AFF1: variants seen among roughly 807,000 people sequenced by gnomAD.
AFF1 encodes ALF transcription elongation factor 1.
AFF1 carries 48 observed loss-of-function variants against 121.7 expected under a neutral mutation model. The ratio of observed to expected loss-of-function variants is 0.39; its 90% CI spans 0.31 to 0.50. The LOEUF (loss-of-function observed/expected upper bound fraction) is 0.50. Among genes scored for constraint, AFF1 ranks in the 20% least tolerant of loss-of-function variants. The probability of loss-of-function intolerance (pLI) is 0.76; values close to 1 mark genes in which losing one functional copy is unlikely to be tolerated. For synonymous variants in AFF1, 613 were observed against 563.0 expected (o/e 1.09, Z -1.26); for missense variants, 1,523 against 1,511.7 (o/e 1.01, Z -0.12).
chr4:87,082,975 G>A (rs1273616465), intron 4 of AFF1, among the ~76,000 whole-genome samples: 1 of 152,216 alleles, frequency 6.6e-6, no homozygotes, highest in Non-Finnish European at 1.5e-5. Context: ...AAAAAGAGCA[G>A]AGTTTTATGC....
intron 2 of AFF1, among the ~76,000 whole-genome samples, chr4:86,993,325 C>T (rs1724874867): frequency 6.6e-6 from 1 of 152,192 alleles, no homozygotes; most frequent in Non-Finnish European, 1.5e-5. Context: ...CTGCAATTTA[C>T]TGATCATTGT....
intron 2 of AFF1, among the ~76,000 whole-genome samples, chr4:87,009,076 C>T (rs541398803): frequency 2.0e-5 from 3 of 152,276 alleles, no homozygotes; most frequent in East Asian, 3.9e-4. Flanking sequence ...TCAATGCCAG[C>T]GCTCTTAAAC....
At chr4:86,994,626 C>T (rs1312651721) in intron 2 of AFF1, among the ~76,000 whole-genome samples, 1 of 152,176 alleles carries the variant, frequency 6.6e-6, no homozygotes, top group African/African-American at 2.4e-5. Flanking sequence ...TCCCCTTGAT[C>T]CATCCAGCAT....
intron 2 of AFF1, among the ~76,000 whole-genome samples, chr4:87,013,096 T>C (rs1480595060): frequency 1.5e-5 from 2 of 136,324 alleles, no homozygotes; most frequent in Non-Finnish European, 3.0e-5. Flanking sequence ...CAGGCTGGAG[T>C]GCAATGGTGC....
At chr4:87,058,523 C>A (rs1720391406) in intron 4 of AFF1, among the ~76,000 whole-genome samples, 1 of 151,958 alleles carries the variant, frequency 6.6e-6, no homozygotes, top group African/African-American at 2.4e-5. Flanking sequence ...GCCACCCCCG[C>A]CCCCAAATCA....
At chr4:86,949,888 G>A in intron 2 of AFF1, 1 of 1,614,126 alleles carries the variant, frequency 6.2e-7, no homozygotes, top group South Asian at 1.1e-5. Flanking sequence ...GCCACGTGAA[G>A]GGGTTCTTGG....
intron 2 of AFF1, chr4:86,950,039 G>A (rs1357513127): frequency 2.2e-5 from 35 of 1,614,028 alleles, no homozygotes; most frequent in Non-Finnish European, 2.9e-5. Context: ...GGTAGGGGGA[G>A]TGTAGAGAGG....
At chr4:86,951,267 C>T (rs1222845632) in intron 2 of AFF1, among the ~76,000 whole-genome samples, 1 of 151,964 alleles carries the variant, frequency 6.6e-6, no homozygotes, top group Non-Finnish European at 1.5e-5. Flanking sequence ...AGGTGTGCCA[C>T]GATGTTGATT....
intron 2 of AFF1, among the ~76,000 whole-genome samples, chr4:86,994,477 G>T (rs1305991683): frequency 6.6e-6 from 1 of 152,238 alleles, no homozygotes; most frequent in Non-Finnish European, 1.5e-5. Flanking sequence ...TCTGGGGGCA[G>T]ATCTCACCTG....
At chr4:87,029,492 A>G (rs558971106) in intron 2 of AFF1, among the ~76,000 whole-genome samples, 1 of 152,284 alleles carries the variant, frequency 6.6e-6, no homozygotes, top group Admixed American at 6.5e-5. Flanking sequence ...AGGACATTTG[A>G]GGAACATTAA....
chr4:87,099,652 G>A (rs1165797567), intron 8 of AFF1, among the ~76,000 whole-genome samples: 1 of 152,208 alleles, frequency 6.6e-6, no homozygotes, highest in Non-Finnish European at 1.5e-5. Context: ...CAGGCAGTCT[G>A]CCCACCTTGG....
intron 2 of AFF1, among the ~76,000 whole-genome samples, chr4:87,013,981 T>C (rs1727060902): frequency 6.6e-6 from 1 of 152,184 alleles, no homozygotes; most frequent in South Asian, 2.1e-4. Context: ...CTATTAAATT[T>C]TGATATCATA....
At chr4:87,081,246 C>G (rs1723146385) in intron 4 of AFF1, among the ~76,000 whole-genome samples, 1 of 144,460 alleles carries the variant, frequency 6.9e-6, no homozygotes, top group Non-Finnish European at 1.5e-5. Flanking sequence ...ACTGCAAGCT[C>G]CGCCTCCCAG....
rs780999030 is a variant in AFF1 at position 87,114,513 on chromosome 4, T to A, written c.1680T>A (p.Ser560Arg). 3.1e-6 allele frequency: 5 copies of A among 1,612,054 alleles called. No homozygotes were observed. The Admixed American group carries it at 8.4e-5, about 27-fold the overall frequency. ...AGGGCAGCAGCGACAGTGCCACGAGTCAGGAGCATTCTGAATCCAAAGATC... is the reference window on the plus strand; with the variant it reads ...AGGGCAGCAGCGACAGTGCCACGAGACAGGAGCATTCTGAATCCAAAGATC... ...ESKGSSDSAT[S>R]QEHSESKDPP... is the part of the protein sequence containing the mutation. The change falls in exon 12 of 21, where the codon AGT becomes AGA. Residue 560 changes from serine to arginine, a missense_variant. Around this residue, in one of 5 missense-constraint regions of AFF1, gnomAD observed 905 missense variants for 842.5 expected, o/e 1.07. Coordinates refer to ENST00000395146, the MANE Select transcript of AFF1 (RefSeq NM_001166693.3).
chr4:87,007,120 GC>G, intron 2 of AFF1: 1 of 1,273,856 alleles, frequency 7.9e-7, no homozygotes. Flanking sequence ...GCGCTCGCTT[GC>G]CCCGGATTCG....
intron 7 of AFF1, among the ~76,000 whole-genome samples, chr4:87,092,032 C>A (rs1462113898): frequency 6.6e-6 from 1 of 152,144 alleles, no homozygotes; most frequent in Non-Finnish European, 1.5e-5. Flanking sequence ...GCCTGTAATC[C>A]CAGCACTTTG....
intron 4 of AFF1, among the ~76,000 whole-genome samples, chr4:87,061,069 A>C (rs1720741468): frequency 6.6e-6 from 1 of 152,146 alleles, no homozygotes; most frequent in Non-Finnish European, 1.5e-5. Flanking sequence ...TGTTGTTCTG[A>C]ACCTAATTGA....
chr4:87,064,558 A>G (rs1267094592), intron 4 of AFF1, among the ~76,000 whole-genome samples: 1 of 152,214 alleles, frequency 6.6e-6, no homozygotes, highest in Non-Finnish European at 1.5e-5. Flanking sequence ...CCTGGACAAC[A>G]TGGTGAGACT....
At chr4:87,119,269 C>T (rs1727431114) in intron 12 of AFF1, among the ~76,000 whole-genome samples, 1 of 152,078 alleles carries the variant, frequency 6.6e-6, no homozygotes, top group African/African-American at 2.4e-5. Flanking sequence ...CAGGCCAGTG[C>T]AATTGGGAGC....
Sources: allele counts gnomAD v4.1 joint callset (sites outside exome capture counted in the v4.1 genomes callset), GRCh38; gene constraint gnomAD v4.1.1; regional missense constraint gnomAD v4.1.1; transcripts MANE v1.5; gene names NCBI Gene and HGNC (gene_info 2026-07-23, HGNC 2026-07-21).